The following ZDHHC11B variants were observed in gnomAD, a reference collection of about 807,000 sequenced individuals.
ZDHHC11B encodes the protein zDHHC palmitoyltransferase 11B (putative), also known as probable palmitoyltransferase ZDHHC11B.
ZDHHC11B carries 17 observed loss-of-function variants against 42.3 expected under a neutral mutation model. The observed-to-expected ratio is 0.40, with a 90% confidence interval of 0.27 to 0.60. ZDHHC11B has a LOEUF of 0.60. ZDHHC11B is among the 20% of genes least tolerant of loss of function. The pLI, the probability that ZDHHC11B is intolerant of heterozygous loss-of-function variation, is 0.41. For synonymous variants in ZDHHC11B, 123 were observed against 193.5 expected (o/e 0.64, Z 3.02); for missense variants, 262 against 463.2 (o/e 0.57, Z 3.99).
At position 762,605 on chromosome 5, in the gene ZDHHC11B, G is replaced by C. The variant is rs190195574; in HGVS notation, c.222+4093C>G. ...TAAGCCAGATGGGGTGGTTGAATGA[G>C]AGGCCAAAAGCCTTACTGGCAGTGT... is the stretch of plus-strand genomic sequence containing the variant. On this transcript the variant is annotated intron_variant, in intron 4 of 13. Transcript: ENST00000508859. 2.4e-4 allele frequency among the ~76,000 whole-genome samples: 36 copies of C among 151,902 alleles called. No individual in the cohort carries two copies. The East Asian group carries it at 5.8e-3, about 24-fold the overall frequency.
intron 4 of ZDHHC11B, among the ~76,000 whole-genome samples, chr5:764,357 G>A (rs1269853498): frequency 1.2e-4 from 18 of 150,058 alleles, no homozygotes; most frequent in South Asian, 6.4e-4. Flanking sequence ...GGCCAGAGCC[G>A]GCTCCCTCGG....
chr5:729,664 T>A (rs1360408936), intron 12 of ZDHHC11B, among the ~76,000 whole-genome samples: 1 of 150,814 alleles, frequency 6.6e-6, no homozygotes, highest in African/African-American at 2.4e-5. Context: ...AGATGAAACT[T>A]TAGTAGAGTG....
At chr5:720,920 G>A (rs1474262510) in intron 12 of ZDHHC11B, among the ~76,000 whole-genome samples, 1 of 151,528 alleles carries the variant, frequency 6.6e-6, no homozygotes, top group African/African-American at 2.4e-5. Context: ...GTCCAGCCTG[G>A]CAACATACTG....
At chr5:771,752 G>T (rs1736071971) in intron 1 of ZDHHC11B, among the ~76,000 whole-genome samples, 1 of 150,932 alleles carries the variant, frequency 6.6e-6, no homozygotes, top group Non-Finnish European at 1.5e-5. Flanking sequence ...TGGTGGGCGT[G>T]CGGGTCAGAG....
intron 4 of ZDHHC11B, among the ~76,000 whole-genome samples, chr5:756,535 AT>A (rs66758876): frequency 0.058 from 8,552 of 147,006 alleles, 171 homozygotes; most frequent in African/African-American, 0.16. Flanking sequence ...CACAGGGCAA[AT>A]CCCCCACAGA....
chr5:735,793 T>C (rs1355085153), intron 10 of ZDHHC11B, among the ~76,000 whole-genome samples: 2 of 149,870 alleles, frequency 1.3e-5, no homozygotes, highest in Admixed American at 1.3e-4. Context: ...AACAAGTCAG[T>C]CCTACAAGAA....
At chr5:729,136 T>A (rs1266158865) in intron 12 of ZDHHC11B, among the ~76,000 whole-genome samples, 2 of 150,712 alleles carry the variant, frequency 1.3e-5, no homozygotes, top group Non-Finnish European at 1.5e-5. Flanking sequence ...CAGTCTGGGG[T>A]CCCAGGTGCC....
chr5:750,324 C>A (rs1344171390), intron 7 of ZDHHC11B, among the ~76,000 whole-genome samples: 1 of 133,838 alleles, frequency 7.5e-6, no homozygotes, highest in African/African-American at 2.8e-5. Context: ...GCGCTGCCTC[C>A]GCAGGGTCCA....
intron 4 of ZDHHC11B, among the ~76,000 whole-genome samples, chr5:765,775 C>A (rs1321114828): frequency 2.0e-5 from 3 of 151,894 alleles, no homozygotes; most frequent in African/African-American, 7.3e-5. Context: ...GGAAGAAATT[C>A]TGAACACATC....
chr5:772,051 C>T (rs1339279419), intron 1 of ZDHHC11B, among the ~76,000 whole-genome samples: 4 of 152,010 alleles, frequency 2.6e-5, no homozygotes, highest in South Asian at 2.1e-4. Context: ...GTCCTGCCCT[C>T]GTGAGGCCTT....
At position 717,844 on chromosome 5, in the gene ZDHHC11B, T is replaced by C. The variant is rs376286550; in HGVS notation, c.1059-979A>G. On this transcript the variant is annotated intron_variant, in intron 12 of 13. Coordinates refer to ENST00000508859, the MANE Select transcript of ZDHHC11B (RefSeq NM_001351303.2). ...TGGGCAGGGCTCCTGATGGGGTGATTAGCTGGGGGACTTGTAGGCTGAGCG... is the reference window on the plus strand; with the variant it reads ...TGGGCAGGGCTCCTGATGGGGTGATCAGCTGGGGGACTTGTAGGCTGAGCG... 1.3e-4 allele frequency among the ~76,000 whole-genome samples: 20 copies of C among 151,822 alleles called. No homozygotes were observed. The East Asian group carries it at 3.1e-3, about 24-fold the overall frequency.
chr5:715,790 T>C (rs1741705087), intron 13 of ZDHHC11B, among the ~76,000 whole-genome samples: 1 of 151,476 alleles, frequency 6.6e-6, no homozygotes, highest in African/African-American at 2.4e-5. Flanking sequence ...AGTCCTGCCC[T>C]CTTGTCCTCT....
chr5:783,954 C>T (rs1737065985), intron 1 of ZDHHC11B, among the ~76,000 whole-genome samples: 2 of 150,812 alleles, frequency 1.3e-5, no homozygotes, highest in African/African-American at 2.4e-5. Flanking sequence ...CCCTCGGCTC[C>T]GTTTACGTAA....
intron 8 of ZDHHC11B, chr5:747,420 C>T (rs62332115): frequency 0.6 from 87,222 of 144,268 alleles, 25,692 homozygotes; most frequent in Middle Eastern, 0.73. Flanking sequence ...ATTCAACCCT[C>T]AGGCAAGACA....
chr5:717,201 G>A (rs1435943357), intron 12 of ZDHHC11B, among the ~76,000 whole-genome samples: 1 of 151,294 alleles, frequency 6.6e-6, no homozygotes, highest in Non-Finnish European at 1.5e-5. Context: ...GCCCACAGGA[G>A]GTCAGCTCAT....
At position 711,813 on chromosome 5, in the gene ZDHHC11B, A is replaced by ACCATTTCCCAGTACTGTGCTC. The variant is rs1741400713; in HGVS notation, c.*456_*476dup. On this transcript the variant is annotated 3_prime_UTR_variant, in exon 14 of 14. Transcript: ENST00000508859. Reference sequence around the variant, plus strand: ...TGATCCCATTTCCTAGTACTGTGCTACCATTTCCCAGTACTGTGCTCCCAT... The same window carrying ACCATTTCCCAGTACTGTGCTC: ...TGATCCCATTTCCTAGTACTGTGCTACCATTTCCCAGTACTGTGCTCCCATTTCCCAGTACTGTGCTCCCAT... 1.1e-5 allele frequency: 1 copy of ACCATTTCCCAGTACTGTGCTC among 90,842 alleles called. No homozygotes were observed. 5.6% of individuals were successfully genotyped at this position (90,842 alleles called of 1,614,324 possible). A position where few individuals can be genotyped will look rare whatever the true frequency, so the allele number is the denominator to read the frequency against.
chr5:777,791 G>A (rs1736653424), intron 1 of ZDHHC11B, among the ~76,000 whole-genome samples: 1 of 151,984 alleles, frequency 6.6e-6, no homozygotes, highest in South Asian at 2.1e-4. Context: ...CCCCGCAGCA[G>A]GCGGAGCTGC....
intron 1 of ZDHHC11B, among the ~76,000 whole-genome samples, chr5:778,549 G>C (rs1359696641): frequency 6.6e-6 from 1 of 151,714 alleles, no homozygotes; most frequent in Non-Finnish European, 1.5e-5. Context: ...ACCCTGCCCT[G>C]CCCCGCCCCA....
chr5:751,693 G>A (rs73730935), intron 6 of ZDHHC11B, among the ~76,000 whole-genome samples: 94,635 of 126,114 alleles, frequency 0.75, 41,210 homozygotes, highest in East Asian at 0.95. Flanking sequence ...CTCAAACCCT[G>A]CTCCCGACCA....
Sources: allele counts gnomAD v4.1 joint callset (sites outside exome capture counted in the v4.1 genomes callset), GRCh38; gene constraint gnomAD v4.1.1; transcripts MANE v1.5; gene names NCBI Gene and HGNC (gene_info 2026-07-23, HGNC 2026-07-21).